Variants in TULP1 observed in about 807,000 individuals in gnomAD.
TULP1 encodes TUB like protein 1.
A neutral mutation model predicts 67.1 loss-of-function variants in TULP1; 50 were observed. The ratio of observed to expected loss-of-function variants is 0.75; its 90% CI spans 0.59 to 0.94. The LOEUF (loss-of-function observed/expected upper bound fraction) is 0.94. Ranked by LOEUF, TULP1 falls within the 40% of genes least tolerant of loss-of-function variation. The probability of loss-of-function intolerance (pLI) is 0.00; values close to 1 mark genes in which losing one functional copy is unlikely to be tolerated. For missense variants in TULP1, 746 were observed against 734.1 expected (o/e 1.02, Z -0.19); for synonymous variants, 297 against 294.0 (o/e 1.01, Z -0.11).
At position 35,498,643 on chromosome 6, in the gene TULP1, T is replaced by G. The variant is rs1241696951; in HGVS notation, c.1496-183A>C. ...TCACTCCACACCAGCACCACGTGGC[T>G]TTGCAGTCACACTATAATCTCCTGG... On this transcript the variant is annotated intron_variant, in intron 14 of 14. Coordinates refer to ENST00000229771, the MANE Select transcript of TULP1 (RefSeq NM_003322.6). This position sits in a 1 kb window ranked among gnomAD's most constrained non-coding sequence, Gnocchi z 6.7. 6.6e-6 allele frequency among the ~76,000 whole-genome samples: 1 copy of G among 152,206 alleles called. No homozygotes were observed. The highest frequency in any genetic ancestry group is 6.5e-5 in the Admixed American group (1 of 15,290).
Position 35,512,797 on chromosome 6 carries a change from G to T in TULP1, c.47+15C>A, listed in dbSNP as rs1362827526. The T allele has an allele frequency of 1.3e-6, 2 of 1,572,570 alleles. No individual in the cohort carries two copies. The highest frequency in any genetic ancestry group is 2.2e-5 in the South Asian group (2 of 90,568). ...CCCCAGGGTTCAGGTGCCACGAACTGGGGGCCTTCCAGACCTGTCAGAGGC... is the reference window on the plus strand; with the variant it reads ...CCCCAGGGTTCAGGTGCCACGAACTTGGGGCCTTCCAGACCTGTCAGAGGC... On this transcript the variant is annotated intron_variant, in intron 1 of 14. Coordinates refer to ENST00000229771, the MANE Select transcript of TULP1 (RefSeq NM_003322.6).
Position 35,500,091 on chromosome 6 carries a change from T to C in TULP1, c.1385A>G (p.His462Arg), listed in dbSNP as rs773507942. Residue 462 changes from histidine to arginine, a missense_variant, in exon 14 of 15, where the codon CAC becomes CGC. His to Arg is a conservative substitution (Grantham distance 29). This residue lies in a region of TULP1 where 383 missense variants were observed against 374.1 expected (regional missense o/e 1.02). Transcript: ENST00000229771. ...NKTLESLIEL[H>R]NKPPVWNDDS... ...ATCGTTCCAGACAGGTGGCTTGTTG[T>C]GCAGTTCTATGAGGCTCTCCAGCGT... 2 of 1,614,156 alleles carry C rather than the reference T, an allele frequency of 1.2e-6. No individual in the cohort carries two copies. Among genetic ancestry groups the C allele is most frequent in the Non-Finnish European group, 8.5e-7 (1 of 1,180,032 alleles).
At chr6:35,511,504 A>G in intron 4 of TULP1, 144 bp downstream of exon 4, 1 of 1,284,810 alleles carries the variant, frequency 7.8e-7, no homozygotes, top group Non-Finnish European at 1.1e-6. Context: ...TTAGCACAAT[A>G]CCTGGCTCAA....
At chr6:35,506,466 T>C (rs73415634) in intron 8 of TULP1, among the ~76,000 whole-genome samples, 187 bp from the exon 9 acceptor site, 4,959 of 152,306 alleles carry the variant, frequency 0.033, 228 homozygotes, top group African/African-American at 0.11. Context: ...AGCCAGACTG[T>C]CTAGGTTCAA....
chr6:35,500,194 A>G, intron 13 of TULP1, 42 bp from the exon 14 acceptor site: 1 of 1,605,552 alleles, frequency 6.2e-7, no homozygotes, highest in Non-Finnish European at 8.5e-7. Flanking sequence ...GGACAGTTAG[A>G]GATGGCTGAG....
chr6:35,500,075 G>C lies in TULP1; in HGVS notation c.1401C>G (p.Val467=). The part of the protein sequence containing the change: ...SLIELHNKPP[V]WNDDSGSYTL... ...TGTAGGAGCCACTGTCATCGTTCCAGACAGGTGGCTTGTTGTGCAGTTCTA... is the reference window on the plus strand; with the variant it reads ...TGTAGGAGCCACTGTCATCGTTCCACACAGGTGGCTTGTTGTGCAGTTCTA... Residue 467 remains valine, a synonymous_variant, in exon 14 of 15, where the codon GTC becomes GTG. Transcript: ENST00000229771. 1 of 1,614,196 alleles carries C rather than the reference G, an allele frequency of 6.2e-7. No individual in the cohort carries two copies. Among genetic ancestry groups the C allele is most frequent in the Non-Finnish European group, 8.5e-7 (1 of 1,180,040 alleles).
intron 3 of TULP1, 121 bp from the exon 4 acceptor site, chr6:35,511,927 T>C (rs1327443701): frequency 1.7e-6 from 2 of 1,176,750 alleles, no homozygotes; most frequent in Non-Finnish European, 2.3e-6. Context: ...GGATCTCCCC[T>C]GGGCTTGGGT....
chr6:35,505,936 C>G, intron 10 of TULP1, 67 bp downstream of exon 10: 2 of 1,614,080 alleles, frequency 1.2e-6, no homozygotes, highest in Non-Finnish European at 1.7e-6. Context: ...AAATCAGGCC[C>G]GTTTGTCCCG....
rs374698671 is a variant in TULP1, at chr6:35,498,365, C to T, written c.1591G>A (p.Ala531Thr). 8 of 1,613,152 alleles carry T rather than the reference C, an allele frequency of 5.0e-6. No homozygotes were observed. In the African/African-American group the frequency reaches 9.3e-5, roughly 19 times the overall value. The change falls in exon 15 of 15, where the codon GCC becomes ACC. Residue 531 changes from alanine to threonine, a missense_variant. This residue lies in a region of TULP1 where 383 missense variants were observed against 374.1 expected (regional missense o/e 1.02). Coordinates refer to ENST00000229771, the MANE Select transcript of TULP1 (RefSeq NM_003322.6). This position sits in a 1 kb window ranked among gnomAD's most constrained non-coding sequence, Gnocchi z 6.7. ...AGCTTCCCGTCGAAACTGGAGAGGGCGATGGCGAAGGCCTGCAGGGCGCAC... is the reference window on the plus strand; with the variant it reads ...AGCTTCCCGTCGAAACTGGAGAGGGTGATGGCGAAGGCCTGCAGGGCGCAC... The part of the protein sequence containing the change: ...PLCALQAFAI[A>T]LSSFDGKLAC...
At chr6:35,507,331 A>C (rs1028531646) in intron 8 of TULP1, among the ~76,000 whole-genome samples, 13 of 152,114 alleles carry the variant, frequency 8.5e-5, no homozygotes, top group African/African-American at 3.1e-4. Context: ...TTTCCAGTGA[A>C]GCCTTCAGAG....
intron 13 of TULP1, among the ~76,000 whole-genome samples, chr6:35,500,548 G>C (rs1768817156): frequency 6.6e-6 from 1 of 152,196 alleles, no homozygotes; most frequent in Admixed American, 6.5e-5. Context: ...GCAGTTAAGA[G>C]AAAGTGTACT....
At chr6:35,505,932 G>A (rs1315412448) in intron 10 of TULP1, 71 bp downstream of exon 10, 3 of 1,613,994 alleles carry the variant, frequency 1.9e-6, no homozygotes, top group African/African-American at 2.7e-5. Flanking sequence ...GGAGAAATCA[G>A]GCCCGTTTGT....
In TULP1 at chr6:35,504,365, G is replaced by A. The variant is rs150694753; in HGVS notation, c.1113-517C>T. 4.2e-3 allele frequency among the ~76,000 whole-genome samples: 640 copies of A among 152,020 alleles called. 4 individuals are homozygous for A. Among genetic ancestry groups the A allele is most frequent in the African/African-American group, 0.014 (584 of 41,460 alleles). On this transcript the variant is annotated intron_variant, in intron 11 of 14. Coordinates refer to ENST00000229771, the MANE Select transcript of TULP1 (RefSeq NM_003322.6). ...GTCTCCAAAACAAAACAAAAAAAAG[G>A]GCTGAATCTACAAGGAGACTAGGCA...
Position 35,506,100 on chromosome 6 carries a change from T to TG in TULP1, c.901dup (p.Gln301ProfsTer83), listed in dbSNP as rs62636292. On this transcript the variant is annotated frameshift_variant, in exon 10 of 15. Transcript: ENST00000229771. LOFTEE classifies it high-confidence loss of function. ...CAGCCGGCAGCGCACCGTGCGGCCC[T>TG]GGGGGGCAGGCCGGAGCACAAACTC... 1.9e-6 allele frequency: 3 copies of TG among 1,613,604 alleles called. No homozygotes were observed. Among genetic ancestry groups the TG allele is most frequent in the African/African-American group, 1.3e-5 (1 of 75,038 alleles).
chr6:35,505,875 TGA>T, intron 10 of TULP1, 22 bp from the exon 11 acceptor site: 1 of 1,613,884 alleles, frequency 6.2e-7, no homozygotes, highest in Non-Finnish European at 8.5e-7. Context: ...GGGAGACAGG[TGA>T]GAGGATGGGA....
In TULP1 at chr6:35,512,629, G is replaced by A. The variant is rs748080323; in HGVS notation, c.99+10C>T. 6.2e-7 allele frequency: 1 copy of A among 1,613,970 alleles called. No homozygotes were observed. Among genetic ancestry groups the A allele is most frequent in the Non-Finnish European group, 8.5e-7 (1 of 1,179,970 alleles). ...ATCTTTCTGCTTCCTTTCCAAGTGG[G>A]GTGGCATACCTGTTTGGGGCGCCGC... On this transcript the variant is annotated intron_variant, in intron 2 of 14. Transcript: ENST00000229771.
At chr6:35,510,818 G>C (rs780043324) in intron 5 of TULP1, 43 bp downstream of exon 5, 1 of 1,612,166 alleles carries the variant, frequency 6.2e-7, no homozygotes, top group Admixed American at 1.7e-5. Flanking sequence ...GGACAGGGCT[G>C]TTCTGCTTCC....
At position 35,512,213 on chromosome 6, in the gene TULP1, AG is replaced by A. The variant is rs1159284377; in HGVS notation, c.156del (p.Cys53AlafsTer56). Reference protein sequence around the residue: ...RKKRTEAPESPCPTGSKPRKP... With the variant: ...RKKRTEAPESXCPTGSKPRKP... Reference sequence around the variant, plus strand: ...TTCCGGGGCTTGGATCCCGTGGGGCAGGGGGATTCGGGGGCCTCCGTCCTCT... The same window carrying A: ...TTCCGGGGCTTGGATCCCGTGGGGCAGGGGATTCGGGGGCCTCCGTCCTCT... On this transcript the variant is annotated frameshift_variant, in exon 3 of 15. Transcript: ENST00000229771. LOFTEE classifies it high-confidence loss of function. The A allele has an allele frequency of 1.5e-6, 2 of 1,366,624 alleles. No homozygotes were observed. The highest frequency in any genetic ancestry group is 3.4e-5 in the Admixed American group (1 of 29,410). 84.7% of individuals were successfully genotyped at this position (1,366,624 alleles called of 1,614,324 possible).
chr6:35,509,129 C>G, intron 8 of TULP1, 80 bp downstream of exon 8: 2 of 1,299,010 alleles, frequency 1.5e-6, no homozygotes, highest in Admixed American at 3.4e-5. Flanking sequence ...TCCAAGCCCC[C>G]ACCCTCTAGG....
Sources: allele counts gnomAD v4.1 joint callset (sites outside exome capture counted in the v4.1 genomes callset), GRCh38; gene constraint gnomAD v4.1.1; regional missense constraint gnomAD v4.1.1; non-coding constraint Gnocchi (gnomAD v3.1); transcripts MANE v1.5; gene names NCBI Gene and HGNC (gene_info 2026-07-23, HGNC 2026-07-21).